C8orf34: variants seen among roughly 807,000 people sequenced by gnomAD.
C8orf34 encodes chromosome 8 open reading frame 34.
Under a neutral mutation model 68.3 loss-of-function variants are expected in C8orf34, and 65 were observed. The ratio of observed to expected loss-of-function variants is 0.95; its 90% CI spans 0.78 to 1.17. The LOEUF (loss-of-function observed/expected upper bound fraction) is 1.17. Ranked by LOEUF, C8orf34 falls within the 50% of genes most tolerant of loss-of-function variation. The pLI, the probability that C8orf34 is intolerant of heterozygous loss-of-function variation, is 0.00. For missense variants in C8orf34, 664 were observed against 655.4 expected, an observed-to-expected ratio of 1.01 and a Z score of -0.14; for synonymous variants, 244 against 241.2, an observed-to-expected ratio of 1.01 and a Z score of -0.11.
intron 4 of C8orf34, among the ~76,000 whole-genome samples, chr8:68,470,397 C>G (rs116081994): frequency 0.017 from 2,564 of 152,134 alleles, 83 homozygotes; most frequent in African/African-American, 0.057. Context: ...TGACACCTGC[C>G]TTTCACTTGT....
At chr8:68,407,116 C>G (rs1297368205) in intron 1 of C8orf34, among the ~76,000 whole-genome samples, 1 of 152,162 alleles carries the variant, frequency 6.6e-6, no homozygotes, top group Non-Finnish European at 1.5e-5. Flanking sequence ...AAAGTATTAT[C>G]ACTTGAAGGA....
chr8:68,628,715 A>C (rs1818607769), intron 7 of C8orf34, among the ~76,000 whole-genome samples: 1 of 152,158 alleles, frequency 6.6e-6, no homozygotes, highest in African/African-American at 2.4e-5. Context: ...AAAGCTTTTA[A>C]TTTTAGTTAA....
chr8:68,371,835 T>G (rs931071603), intron 1 of C8orf34, among the ~76,000 whole-genome samples: 1 of 152,054 alleles, frequency 6.6e-6, no homozygotes, highest in African/African-American at 2.4e-5. Context: ...CCTGACCTCA[T>G]GATCAGCCTG....
intron 1 of C8orf34, among the ~76,000 whole-genome samples, chr8:68,336,189 C>CT (rs140189088): frequency 0.039 from 5,821 of 148,854 alleles, 364 homozygotes; most frequent in African/African-American, 0.13. Flanking sequence ...GCTTTCCTCC[C>CT]TTTTTTTTTT....
intron 7 of C8orf34, chr8:68,625,704 A>C: frequency 1.5e-6 from 1 of 655,040 alleles, no homozygotes; most frequent in African/African-American, 1.8e-5. Flanking sequence ...AGGGAGTGTG[A>C]GTTGGCAACT....
intron 7 of C8orf34, among the ~76,000 whole-genome samples, chr8:68,592,909 G>T (rs543652935): frequency 6.6e-5 from 10 of 151,920 alleles, no homozygotes; most frequent in South Asian, 6.2e-4. Flanking sequence ...TCCATCTTTT[G>T]TTCTTTTTCT....
intron 8 of C8orf34, among the ~76,000 whole-genome samples, chr8:68,687,396 T>C (rs2130895962): frequency 6.6e-6 from 1 of 152,220 alleles, no homozygotes; most frequent in East Asian, 1.9e-4. Context: ...AATAGCACGA[T>C]ACTGGTATAA....
rs149039004 is a variant in C8orf34, at chr8:68,380,169, T to A, written c.327+48830T>A. ...GAGCCACCACACCCAGCCTTCTTGT[T>A]GCATGTTAATCCCAGGCTCTGCTTA... is the stretch of plus-strand genomic sequence containing the variant. On this transcript the variant is annotated intron_variant, in intron 1 of 13. Coordinates refer to ENST00000518698, the MANE Select transcript of C8orf34 (RefSeq NM_052958.4). 1.1e-3 allele frequency among the ~76,000 whole-genome samples: 168 copies of A among 152,336 alleles called. 1 individual carries two copies. Among genetic ancestry groups the A allele is most frequent in the African/African-American group, 4.0e-3 (166 of 41,584 alleles).
At chr8:68,707,562 T>C (rs1406642607) in intron 8 of C8orf34, among the ~76,000 whole-genome samples, 1 of 152,166 alleles carries the variant, frequency 6.6e-6, no homozygotes, top group Non-Finnish European at 1.5e-5. Flanking sequence ...ATTTATTTTC[T>C]TTTTAGGTTT....
intron 8 of C8orf34, among the ~76,000 whole-genome samples, chr8:68,686,630 A>T (rs1820526472): frequency 6.6e-6 from 1 of 152,082 alleles, no homozygotes; most frequent in South Asian, 2.1e-4. Flanking sequence ...CTTACCTCAA[A>T]ATAATAGAAT....
chr8:68,723,830 C>A (rs1248010454), intron 10 of C8orf34, among the ~76,000 whole-genome samples: 1 of 152,084 alleles, frequency 6.6e-6, no homozygotes, highest in Non-Finnish European at 1.5e-5. Context: ...CTTTATTTGA[C>A]CGAAGTTTTC....
chr8:68,586,354 T>C (rs1249720872), intron 7 of C8orf34, among the ~76,000 whole-genome samples: 1 of 152,204 alleles, frequency 6.6e-6, no homozygotes, highest in Non-Finnish European at 1.5e-5. Context: ...CTTGTATATA[T>C]GAAGAAGGGC....
Position 68,709,099 on chromosome 8 carries a change from A to G in C8orf34, c.1327+20A>G, listed in dbSNP as rs113093505. The stretch of plus-strand genomic sequence containing the variant: ...CATTCGGTAAGTTTTAAGTCCAACA[A>G]TATTTATTGCAGTTCTAGTGGCACT... On this transcript the variant is annotated intron_variant, in intron 9 of 13. Coordinates refer to ENST00000518698, the MANE Select transcript of C8orf34 (RefSeq NM_052958.4). 0.077 allele frequency: 120,313 copies of G among 1,566,672 alleles called. 5,318 individuals carry two copies. The highest frequency in any genetic ancestry group is 0.091 in the Non-Finnish European group (103,334 of 1,138,534).
chr8:68,749,259 G>C (rs957144830), intron 10 of C8orf34, among the ~76,000 whole-genome samples: 1 of 152,002 alleles, frequency 6.6e-6, no homozygotes, highest in Admixed American at 6.6e-5. Context: ...AGCGGGGAGG[G>C]ATTGCATTGG....
At chr8:68,645,460 C>T (rs1819139636) in intron 8 of C8orf34, among the ~76,000 whole-genome samples, 1 of 152,138 alleles carries the variant, frequency 6.6e-6, no homozygotes, top group Non-Finnish European at 1.5e-5. Flanking sequence ...TGTTTTCTCT[C>T]TGCCTAAGAC....
At chr8:68,522,579 A>G (rs933778159) in intron 6 of C8orf34, among the ~76,000 whole-genome samples, 1 of 151,098 alleles carries the variant, frequency 6.6e-6, no homozygotes. Flanking sequence ...AAATGGTGGC[A>G]GGAGATTTAC....
intron 7 of C8orf34, among the ~76,000 whole-genome samples, chr8:68,570,643 A>G (rs1193485613): frequency 6.6e-6 from 1 of 152,204 alleles, no homozygotes; most frequent in East Asian, 1.9e-4. Flanking sequence ...CCTGCTAAGT[A>G]AAAGCCCTGT....
chr8:68,724,841 G>T (rs1821781210), intron 10 of C8orf34, among the ~76,000 whole-genome samples: 1 of 152,064 alleles, frequency 6.6e-6, no homozygotes, highest in Admixed American at 6.6e-5. Flanking sequence ...ATTTTGGATT[G>T]CATAATTTCT....
chr8:68,607,750 G>A (rs966338852), intron 7 of C8orf34, among the ~76,000 whole-genome samples: 1 of 152,114 alleles, frequency 6.6e-6, no homozygotes, highest in Non-Finnish European at 1.5e-5. Flanking sequence ...GGAATCTGGA[G>A]AAATCTGTCC....
Sources: gnomAD v4.1 joint callset for allele counts (sites outside exome capture counted in the v4.1 genomes callset) on GRCh38, gnomAD v4.1.1 for gene constraint, MANE v1.5 for transcripts, NCBI Gene and HGNC (gene_info 2026-07-23, HGNC 2026-07-21) for gene names.